Variants in DYM observed in about 807,000 individuals in gnomAD.
The protein encoded by DYM is dymeclin, also known as dyggve-Melchior-Clausen syndrome protein.
DYM carries 78 observed loss-of-function variants against 93.1 expected under a neutral mutation model. The observed-to-expected ratio is 0.84, with a 90% confidence interval of 0.70 to 1.01. The LOEUF is 1.01. DYM is among the 50% of genes least tolerant of loss of function. DYM has a pLI of 0.00. For missense variants in DYM, 789 were observed against 845.0 expected, an observed-to-expected ratio of 0.93 and a Z score of 0.82; for synonymous variants, 321 against 319.7, an observed-to-expected ratio of 1.00 and a Z score of -0.04.
chr18:49,225,860 A>G (rs997185120), intron 13 of DYM, among the ~76,000 whole-genome samples: 1 of 152,142 alleles, frequency 6.6e-6, no homozygotes, highest in Non-Finnish European at 1.5e-5. Context: ...TTAAATAGCA[A>G]TTTTATAATA....
At chr18:49,380,093 A>G (rs897297375) in intron 3 of DYM, among the ~76,000 whole-genome samples, 3 of 152,150 alleles carry the variant, frequency 2.0e-5, no homozygotes, top group African/African-American at 7.2e-5. Flanking sequence ...ATTTTTAAAA[A>G]CTCAAAAATT....
intron 15 of DYM, chr18:49,126,461 T>A (rs2082840157): frequency 6.6e-6 from 1 of 152,210 alleles, no homozygotes; most frequent in South Asian, 2.1e-4. Flanking sequence ...TGGTAATAAA[T>A]GAAATTCTTT....
At chr18:49,292,855 T>C (rs2060251057) in intron 8 of DYM, among the ~76,000 whole-genome samples, 1 of 152,164 alleles carries the variant, frequency 6.6e-6, no homozygotes, top group African/African-American at 2.4e-5. Flanking sequence ...CTTTAAGTTA[T>C]GGGATACATG....
rs529146539 is a variant in DYM, at chr18:49,076,098, C to T, written c.2025+21304G>A. On this transcript the variant is annotated intron_variant, in intron 17 of 17. Coordinates refer to ENST00000675505, the MANE Select transcript of DYM (RefSeq NM_001353214.3). ...AAAAAAGCAAAGCAAAACGGATCAA[C>T]CAACCAACTCACCCTTAATTTTATT... 1.3e-3 allele frequency among the ~76,000 whole-genome samples: 202 copies of T among 149,884 alleles called. 1 individual carries two copies. Among genetic ancestry groups the T allele is most frequent in the African/African-American group, 4.6e-3 (187 of 40,534 alleles).
At chr18:49,200,403 T>G (rs1249665290) in intron 14 of DYM, among the ~76,000 whole-genome samples, 2 of 151,916 alleles carry the variant, frequency 1.3e-5, no homozygotes. Context: ...TAATTTTATA[T>G]TTTTTTCATT....
At chr18:49,109,821 G>C (rs953120367) in intron 16 of DYM, among the ~76,000 whole-genome samples, 7 of 152,198 alleles carry the variant, frequency 4.6e-5, no homozygotes, top group African/African-American at 1.7e-4. Flanking sequence ...TCTTTGAAAA[G>C]ATAATCTAGA....
intron 9 of DYM, among the ~76,000 whole-genome samples, chr18:49,285,017 G>A (rs1285613056): frequency 6.6e-6 from 1 of 152,088 alleles, no homozygotes; most frequent in Non-Finnish European, 1.5e-5. Flanking sequence ...TTTAGCCCTT[G>A]ACTCCCTTCT....
chr18:49,089,390 C>T (rs1001269499), intron 17 of DYM, among the ~76,000 whole-genome samples: 1 of 152,198 alleles, frequency 6.6e-6, no homozygotes, highest in Admixed American at 6.5e-5. Context: ...AAGTAATTCT[C>T]ATCTTATATT....
At chr18:49,365,409 TATTA>T (rs2066430260) in intron 5 of DYM, among the ~76,000 whole-genome samples, 1 of 152,064 alleles carries the variant, frequency 6.6e-6, no homozygotes, top group South Asian at 2.1e-4. Flanking sequence ...TTGGCTCTAT[TATTA>T]GTGAAGAAAA....
chr18:49,149,702 G>T (rs1198812887), intron 15 of DYM, among the ~76,000 whole-genome samples: 19 of 76,836 alleles, frequency 2.5e-4, no homozygotes, highest in East Asian at 1.4e-3. Flanking sequence ...ATTACAAAGT[G>T]TTTTTTTTTT....
chr18:49,280,722 T>A (rs1205409500), intron 10 of DYM, among the ~76,000 whole-genome samples: 1 of 152,206 alleles, frequency 6.6e-6, no homozygotes, highest in African/African-American at 2.4e-5. Flanking sequence ...CATCTCCCTA[T>A]CAATTCTTGA....
intron 10 of DYM, among the ~76,000 whole-genome samples, chr18:49,275,289 T>C (rs554284013): frequency 1.3e-5 from 2 of 152,232 alleles, no homozygotes; most frequent in South Asian, 2.1e-4. Context: ...GGTATATGGG[T>C]TTATTTCTAG....
chr18:49,116,977 T>A (rs1006307743), intron 16 of DYM, among the ~76,000 whole-genome samples: 1 of 152,212 alleles, frequency 6.6e-6, no homozygotes. Context: ...GATGAAATAA[T>A]CGAGAAGTTG....
chr18:49,090,983 C>G (rs1014380950), intron 17 of DYM, among the ~76,000 whole-genome samples: 1 of 152,138 alleles, frequency 6.6e-6, no homozygotes, highest in Non-Finnish European at 1.5e-5. Context: ...AGCAACTATT[C>G]CAACAAAGTG....
chr18:49,069,968 G>A (rs944578189), intron 17 of DYM, among the ~76,000 whole-genome samples: 1 of 152,230 alleles, frequency 6.6e-6, no homozygotes, highest in Non-Finnish European at 1.5e-5. Flanking sequence ...CTGAACCCGG[G>A]GGGTGCAGGT....
At chr18:49,252,177 C>G (rs1202903912) in intron 13 of DYM, among the ~76,000 whole-genome samples, 1 of 129,648 alleles carries the variant, frequency 7.7e-6, no homozygotes, top group Non-Finnish European at 1.5e-5. Context: ...GAGATTGTGC[C>G]ACTGCACTCC....
chr18:49,265,330 G>A (rs1385798226), intron 11 of DYM, among the ~76,000 whole-genome samples: 1 of 152,176 alleles, frequency 6.6e-6, no homozygotes, highest in African/African-American at 2.4e-5. Flanking sequence ...AAATTCTGAT[G>A]AAAATCCCCA....
At chr18:49,207,913 T>C (rs905676714) in intron 14 of DYM, among the ~76,000 whole-genome samples, 2 of 152,138 alleles carry the variant, frequency 1.3e-5, no homozygotes, top group Admixed American at 1.3e-4. Context: ...CCGGGTGTAG[T>C]GGCTCACACC....
intron 13 of DYM, among the ~76,000 whole-genome samples, chr18:49,223,807 G>A (rs2093440348): frequency 6.6e-6 from 1 of 152,126 alleles, no homozygotes; most frequent in South Asian, 2.1e-4. Flanking sequence ...ACATAGGACT[G>A]AGACTGGAAG....
Sources: allele counts gnomAD v4.1 joint callset (sites outside exome capture counted in the v4.1 genomes callset), GRCh38; gene constraint gnomAD v4.1.1; transcripts MANE v1.5; gene names NCBI Gene and HGNC (gene_info 2026-07-23, HGNC 2026-07-21).